Variants in CFAP95 observed in about 807,000 individuals in gnomAD.
CFAP95 encodes cilia- and flagella-associated protein 95.
the CFAP95 span, among the ~76,000 whole-genome samples, chr9:69,858,434 T>A: frequency 6.6e-6 from 1 of 152,232 alleles, no homozygotes; most frequent in Non-Finnish European, 1.5e-5. Context: ...CTAACTCTTA[T>A]GCTTTTTGTT....
chr9:69,882,902 T>C, the CFAP95 span, among the ~76,000 whole-genome samples: 1 of 152,158 alleles, frequency 6.6e-6, no homozygotes, highest in Non-Finnish European at 1.5e-5. Context: ...TACTGGCCTG[T>C]AGTTTTCTTT....
At chr9:69,822,747 A>G in the CFAP95 span, among the ~76,000 whole-genome samples, 3 of 152,238 alleles carry the variant, frequency 2.0e-5, no homozygotes, top group South Asian at 4.1e-4. Context: ...GAAGGTGAGG[A>G]ACCTGGTGAG....
At chr9:69,890,814 A>G in the CFAP95 span, among the ~76,000 whole-genome samples, 1 of 152,248 alleles carries the variant, frequency 6.6e-6, no homozygotes, top group Admixed American at 6.5e-5. Context: ...ATTTGTATAA[A>G]GTGGGACAGC....
chr9:69,853,946 C>G, the CFAP95 span, among the ~76,000 whole-genome samples: 1 of 152,152 alleles, frequency 6.6e-6, no homozygotes, highest in Non-Finnish European at 1.5e-5. Context: ...AAGTTCTTTC[C>G]AAGGAAACAA....
At chr9:69,842,662 G>C in the CFAP95 span, among the ~76,000 whole-genome samples, 1 of 152,166 alleles carries the variant, frequency 6.6e-6, no homozygotes, top group Admixed American at 6.5e-5. Context: ...AGCACAGAAA[G>C]GTTAAGTGAC....
chr9:69,832,620 A>ATTTTTTT, the CFAP95 span, among the ~76,000 whole-genome samples: 4 of 11,350 alleles, frequency 3.5e-4, 1 homozygote, highest in African/African-American at 1.8e-3. Flanking sequence ...GTCTATTCGG[A>ATTTTTTT]TTTTTTTTTT....
the CFAP95 span, among the ~76,000 whole-genome samples, chr9:69,838,105 A>T: frequency 6.6e-6 from 1 of 152,192 alleles, no homozygotes; most frequent in Non-Finnish European, 1.5e-5. Flanking sequence ...CTGTTTTGGT[A>T]CCAGTACCAT....
chr9:69,872,589 G>T, the CFAP95 span, among the ~76,000 whole-genome samples: 1 of 152,116 alleles, frequency 6.6e-6, no homozygotes, highest in East Asian at 1.9e-4. Context: ...CTTAACAAGT[G>T]CTGGGCTTGG....
chr9:69,890,218 G>C, the CFAP95 span, among the ~76,000 whole-genome samples: 1 of 151,946 alleles, frequency 6.6e-6, no homozygotes, highest in African/African-American at 2.4e-5. Context: ...AATAATGTGG[G>C]ATGTATTTTT....
chr9:69,889,446 G>C, the CFAP95 span, among the ~76,000 whole-genome samples: 2 of 152,174 alleles, frequency 1.3e-5, no homozygotes, highest in African/African-American at 4.8e-5. Flanking sequence ...TAGCATTTCA[G>C]CAGTCAGAGA....
the CFAP95 span, among the ~76,000 whole-genome samples, chr9:69,897,172 CT>C: frequency 6.6e-6 from 1 of 152,192 alleles, no homozygotes; most frequent in Non-Finnish European, 1.5e-5. Context: ...CAACAATTTA[CT>C]TTTATATCTA....
chr9:69,872,077 CAA>C, the CFAP95 span, among the ~76,000 whole-genome samples: 1 of 152,108 alleles, frequency 6.6e-6, no homozygotes, highest in Non-Finnish European at 1.5e-5. Flanking sequence ...AGTGACTTTC[CAA>C]AAGTTTTTCA....
the CFAP95 span, among the ~76,000 whole-genome samples, chr9:69,848,999 A>G: frequency 1.3e-5 from 2 of 152,176 alleles, no homozygotes; most frequent in Admixed American, 6.5e-5. Flanking sequence ...TTCTGATTGT[A>G]CCTACTTATA....
At chr9:69,838,013 C>G in the CFAP95 span, among the ~76,000 whole-genome samples, 154 of 150,820 alleles carry the variant, frequency 1.0e-3, no homozygotes, top group African/African-American at 3.5e-3. Context: ...GCTTGTTTTT[C>G]TCAGGTTTGT....
At chr9:69,852,046 A>T in the CFAP95 span, among the ~76,000 whole-genome samples, 4 of 152,202 alleles carry the variant, frequency 2.6e-5, no homozygotes, top group Admixed American at 6.5e-5. Context: ...TAGAATCTTT[A>T]CATGGCACTG....
the CFAP95 span, among the ~76,000 whole-genome samples, chr9:69,900,537 C>T: frequency 6.6e-6 from 1 of 152,210 alleles, no homozygotes; most frequent in Non-Finnish European, 1.5e-5. Context: ...TTCTCTTTAT[C>T]CTTGGGCTTG....
the CFAP95 span, among the ~76,000 whole-genome samples, chr9:69,833,447 C>A: frequency 1.3e-5 from 2 of 152,196 alleles, no homozygotes; most frequent in African/African-American, 4.8e-5. Context: ...AGCAATCTAC[C>A]TGCCTCTGCC....
At chr9:69,895,373 G>C in the CFAP95 span, among the ~76,000 whole-genome samples, 407 of 115,236 alleles carry the variant, frequency 3.5e-3, 1 homozygote, top group African/African-American at 0.014. Context: ...CTCTCTCTGT[G>C]TGTGTGTGTG....
the CFAP95 span, among the ~76,000 whole-genome samples, chr9:69,850,098 A>G: frequency 6.6e-6 from 1 of 152,344 alleles, no homozygotes; most frequent in East Asian, 1.9e-4. Context: ...AGTGAGAGCC[A>G]CTGGGAGGCC....
Sources: allele counts gnomAD v4.1 joint callset (sites outside exome capture counted in the v4.1 genomes callset), GRCh38; gene constraint gnomAD v4.1.1; transcripts MANE v1.5; gene names NCBI Gene and HGNC (gene_info 2026-07-23, HGNC 2026-07-21).